PPARGC1A: variants seen among roughly 807,000 people sequenced by gnomAD.
PPARGC1A encodes the protein PPARG coactivator 1 alpha, also known as peroxisome proliferator-activated receptor gamma coactivator 1-alpha.
Under a neutral mutation model 88.7 loss-of-function variants are expected in PPARGC1A, and 25 were observed. The observed-to-expected ratio is 0.28, with a 90% confidence interval of 0.21 to 0.39. PPARGC1A has a LOEUF of 0.39. PPARGC1A is among the 10% of genes least tolerant of loss of function. PPARGC1A has a pLI of 1.00. For synonymous variants in PPARGC1A, 363 were observed against 355.6 expected, an observed-to-expected ratio of 1.02 and a Z score of -0.24; for missense variants, 880 against 968.7, an observed-to-expected ratio of 0.91 and a Z score of 1.22.
chr4:24,084,529 T>A, the PPARGC1A span, among the ~76,000 whole-genome samples: 1 of 152,182 alleles, frequency 6.6e-6, no homozygotes, highest in Non-Finnish European at 1.5e-5. Context: ...AAGGAAGAAT[T>A]TCCTTGGCCT....
At chr4:23,933,362 T>C in the PPARGC1A span, among the ~76,000 whole-genome samples, 1 of 152,230 alleles carries the variant, frequency 6.6e-6, no homozygotes, top group African/African-American at 2.4e-5. Context: ...ATATATCTGA[T>C]GCCTGGTAAG....
At chr4:23,806,571 T>C (rs907856637) in intron 10 of PPARGC1A, among the ~76,000 whole-genome samples, 2 of 152,194 alleles carry the variant, frequency 1.3e-5, no homozygotes, top group African/African-American at 2.4e-5. Flanking sequence ...TTGAGGAGGA[T>C]GGTACATTTA....
At chr4:23,867,847 G>A (rs1712356432) in intron 2 of PPARGC1A, among the ~76,000 whole-genome samples, 1 of 152,204 alleles carries the variant, frequency 6.6e-6, no homozygotes, top group South Asian at 2.1e-4. Flanking sequence ...TCCACAAGAG[G>A]TAAACTGTTT....
the PPARGC1A span, among the ~76,000 whole-genome samples, chr4:23,970,823 A>G: frequency 6.6e-6 from 1 of 152,212 alleles, no homozygotes; most frequent in East Asian, 1.9e-4. Flanking sequence ...ATTAAAGGTC[A>G]AAAGGCCATT....
the PPARGC1A span, among the ~76,000 whole-genome samples, chr4:24,125,864 G>A: frequency 6.6e-6 from 1 of 152,200 alleles, no homozygotes; most frequent in Non-Finnish European, 1.5e-5. Flanking sequence ...CCCAAGAGGA[G>A]TCTCGCAGGG....
chr4:24,419,131 C>T, the PPARGC1A span, among the ~76,000 whole-genome samples: 1 of 152,040 alleles, frequency 6.6e-6, no homozygotes, highest in African/African-American at 2.4e-5. Context: ...GGAGAGGGGG[C>T]TGGCACAAAG....
the PPARGC1A span, among the ~76,000 whole-genome samples, chr4:24,048,092 T>C: frequency 6.6e-6 from 1 of 152,174 alleles, no homozygotes; most frequent in East Asian, 1.9e-4. Flanking sequence ...GTATTAGCAA[T>C]TTCCCTTTTC....
the PPARGC1A span, among the ~76,000 whole-genome samples, chr4:24,060,704 A>C: frequency 6.6e-6 from 1 of 152,234 alleles, no homozygotes; most frequent in African/African-American, 2.4e-5. Flanking sequence ...CCACTTGGAC[A>C]TTTCAAATGA....
At chr4:24,036,742 G>T in the PPARGC1A span, among the ~76,000 whole-genome samples, 121 of 152,280 alleles carry the variant, frequency 7.9e-4, no homozygotes, top group African/African-American at 2.8e-3. Flanking sequence ...GTAGGGTATT[G>T]AATTGAAAGG....
the PPARGC1A span, among the ~76,000 whole-genome samples, chr4:23,938,930 GTGGATGCTCCCT>G: frequency 5.9e-5 from 9 of 152,160 alleles, no homozygotes; most frequent in Admixed American, 5.2e-4. Context: ...GGCTGCCCCA[GTGGATGCTCCCT>G]TGGTGTCAGG....
the PPARGC1A span, among the ~76,000 whole-genome samples, chr4:23,945,226 T>C: frequency 6.6e-6 from 1 of 152,212 alleles, no homozygotes; most frequent in Non-Finnish European, 1.5e-5. Context: ...TTAAGATTTA[T>C]CTTTTCAATT....
chr4:24,226,298 A>T, the PPARGC1A span, among the ~76,000 whole-genome samples: 12 of 152,184 alleles, frequency 7.9e-5, no homozygotes, highest in African/African-American at 2.9e-4. Flanking sequence ...TCTGCATCAT[A>T]CACTGCCGAC....
At chr4:23,940,282 T>TAACAA in the PPARGC1A span, among the ~76,000 whole-genome samples, 1 of 152,322 alleles carries the variant, frequency 6.6e-6, no homozygotes, top group South Asian at 2.1e-4. Flanking sequence ...TGCAGCAATG[T>TAACAA]AACAAACCAT....
chr4:24,339,192 ATGTG>A, the PPARGC1A span, among the ~76,000 whole-genome samples: 1,745 of 91,128 alleles, frequency 0.019, 62 homozygotes, highest in African/African-American at 0.064. Flanking sequence ...AGGTTCATCC[ATGTG>A]TGTGTGTGTG....
chr4:24,098,114 A>C, the PPARGC1A span, among the ~76,000 whole-genome samples: 1 of 152,224 alleles, frequency 6.6e-6, no homozygotes, highest in Non-Finnish European at 1.5e-5. Flanking sequence ...CTCTTCAAAA[A>C]GTTGTTATTG....
chr4:23,840,239 C>CACA (rs1465409828), intron 2 of PPARGC1A, among the ~76,000 whole-genome samples: 2 of 152,096 alleles, frequency 1.3e-5, no homozygotes, highest in East Asian at 3.9e-4. Flanking sequence ...GCGGATAGTG[C>CACA]ACATAATCAG....
At chr4:23,838,735 G>A (rs1726493833) in intron 2 of PPARGC1A, among the ~76,000 whole-genome samples, 1 of 152,094 alleles carries the variant, frequency 6.6e-6, no homozygotes, top group African/African-American at 2.4e-5. Context: ...CACTGTCTGA[G>A]TAACTCCCCA....
the PPARGC1A span, among the ~76,000 whole-genome samples, chr4:24,033,335 T>C: frequency 6.6e-6 from 1 of 152,222 alleles, no homozygotes; most frequent in African/African-American, 2.4e-5. Flanking sequence ...TAATAGCTTA[T>C]ATTTATTTAG....
chr4:23,802,676 C>CAAAA (rs397823520), intron 10 of PPARGC1A, among the ~76,000 whole-genome samples: 22 of 26,102 alleles, frequency 8.4e-4, no homozygotes, highest in South Asian at 2.0e-3. Flanking sequence ...GACTCCATCT[C>CAAAA]AAAAAAAAAA....
Sources: allele counts gnomAD v4.1 joint callset (sites outside exome capture counted in the v4.1 genomes callset), GRCh38; gene constraint gnomAD v4.1.1; transcripts MANE v1.5; gene names NCBI Gene and HGNC (gene_info 2026-07-23, HGNC 2026-07-21).